FARP1: variants seen among roughly 807,000 people sequenced by gnomAD.
The protein encoded by FARP1 is FERM, ARHGEF and pleckstrin domain-containing protein 1.
Under a neutral mutation model 128.8 loss-of-function variants are expected in FARP1, and 52 were observed. The ratio of observed to expected loss-of-function variants is 0.40; its 90% CI spans 0.32 to 0.51. The LOEUF (loss-of-function observed/expected upper bound fraction) is 0.51, where lower values mean the gene tolerates loss of function less well. FARP1 is among the 20% of genes least tolerant of loss of function. The probability of loss-of-function intolerance (pLI) is 0.45; values close to 1 mark genes in which losing one functional copy is unlikely to be tolerated. For synonymous variants in FARP1, 580 were observed against 551.8 expected, an observed-to-expected ratio of 1.05 and a Z score of -0.72; for missense variants, 1,333 against 1,367.9, an observed-to-expected ratio of 0.97 and a Z score of 0.40.
chr13:98,439,125 TA>T lies in FARP1; in HGVS notation c.2363del (p.Tyr788SerfsTer6). 6.2e-7 allele frequency: 1 copy of T among 1,613,898 alleles called. No individual in the cohort carries two copies. Among genetic ancestry groups the T allele is most frequent in the Non-Finnish European group, 8.5e-7 (1 of 1,179,890 alleles). ...CCTCCAGTTCAACGACGTCCTGCTA[TA>T]CACGAGCCGGGGGCTGACGGCCTCC... ...MFFLFNDVLL[Y>X]TSRGLTASNQ... On this transcript the variant is annotated frameshift_variant, in exon 21 of 27. Coordinates refer to ENST00000319562, the MANE Select transcript of FARP1 (RefSeq NM_005766.4). LOFTEE classifies it high-confidence loss of function.
At chr13:98,345,271 G>T (rs527509197) in intron 3 of FARP1, among the ~76,000 whole-genome samples, 15 of 152,278 alleles carry the variant, frequency 9.9e-5, no homozygotes, top group African/African-American at 3.6e-4. Flanking sequence ...AGTCCTGCAG[G>T]AGCTGTTTGT....
intron 1 of FARP1, among the ~76,000 whole-genome samples, chr13:98,199,763 G>C (rs1374479946): frequency 2.0e-5 from 3 of 152,200 alleles, no homozygotes; most frequent in African/African-American, 7.2e-5. Context: ...GACCTTGTTA[G>C]TGTGGGAATT....
intron 6 of FARP1, among the ~76,000 whole-genome samples, chr13:98,383,054 T>G (rs928226830): frequency 5.9e-5 from 9 of 152,210 alleles, no homozygotes; most frequent in Non-Finnish European, 1.5e-5. Context: ...AAAATGTTGT[T>G]TCAAGACTAC....
At chr13:98,397,919 A>AAAAAAAAAG (rs61501785) in intron 13 of FARP1, 1 of 124,302 alleles carries the variant, frequency 8.0e-6, no homozygotes, top group Non-Finnish European at 1.7e-5. Context: ...AAAAAAAAAA[A>AAAAAAAAAG]GATAAATTGT....
chr13:98,200,978 T>A (rs559779119), intron 1 of FARP1, among the ~76,000 whole-genome samples: 1 of 152,352 alleles, frequency 6.6e-6, no homozygotes, highest in South Asian at 2.1e-4. Context: ...GTATACAATG[T>A]GTAATGATCA....
chr13:98,301,881 C>T (rs1395709269), intron 2 of FARP1, among the ~76,000 whole-genome samples: 1 of 152,146 alleles, frequency 6.6e-6, no homozygotes, highest in Non-Finnish European at 1.5e-5. Context: ...ATGGAGGATG[C>T]GTGCAACAGC....
chr13:98,321,245 G>A (rs773667293), intron 2 of FARP1, among the ~76,000 whole-genome samples: 8 of 37,978 alleles, frequency 2.1e-4, no homozygotes, highest in East Asian at 4.2e-4. Context: ...CCCTGTGACC[G>A]AAACTGAGGA....
intron 2 of FARP1, among the ~76,000 whole-genome samples, chr13:98,275,481 T>G (rs1884602460): frequency 6.6e-6 from 1 of 151,800 alleles, no homozygotes; most frequent in Non-Finnish European, 1.5e-5. Flanking sequence ...TTTTAAAATA[T>G]TTTATGAATT....
At chr13:98,412,084 T>A in intron 16 of FARP1, 50 bp downstream of exon 16, 1 of 1,590,680 alleles carries the variant, frequency 6.3e-7, no homozygotes, top group Non-Finnish European at 8.6e-7. Context: ...GTCTTGCTTG[T>A]GTTATTTTTA....
At chr13:98,369,837 G>A (rs887490856) in intron 5 of FARP1, among the ~76,000 whole-genome samples, 7 of 152,206 alleles carry the variant, frequency 4.6e-5, no homozygotes, top group East Asian at 3.9e-4. Context: ...GTTTAATACC[G>A]AGGCCATCAT....
chr13:98,228,261 G>A (rs1438450501), intron 2 of FARP1, among the ~76,000 whole-genome samples: 1 of 152,238 alleles, frequency 6.6e-6, no homozygotes, highest in Non-Finnish European at 1.5e-5. Context: ...TGGGGAGGCT[G>A]AGTCAGGAGA....
At chr13:98,211,130 G>T (rs1880679026) in intron 1 of FARP1, among the ~76,000 whole-genome samples, 1 of 152,156 alleles carries the variant, frequency 6.6e-6, no homozygotes, top group South Asian at 2.1e-4. Flanking sequence ...CCTGCTGCCT[G>T]CAGGGTAAAG....
At chr13:98,186,921 G>A (rs1878912360) in intron 1 of FARP1, among the ~76,000 whole-genome samples, 1 of 134,780 alleles carries the variant, frequency 7.4e-6, no homozygotes, top group Admixed American at 8.5e-5. Flanking sequence ...GAACCCAGGA[G>A]TTAGAGGTTG....
intron 24 of FARP1, chr13:98,445,205 T>C (rs1294134535): frequency 6.6e-6 from 1 of 152,308 alleles, no homozygotes; most frequent in Non-Finnish European, 1.5e-5. Context: ...GTATTTTTTA[T>C]TGTGGTAAAA....
intron 3 of FARP1, among the ~76,000 whole-genome samples, chr13:98,363,682 T>A (rs776332432): frequency 2.0e-5 from 3 of 152,232 alleles, no homozygotes; most frequent in Non-Finnish European, 4.4e-5. Flanking sequence ...TGCCTTGCCC[T>A]GCCATGGAAA....
intron 2 of FARP1, among the ~76,000 whole-genome samples, chr13:98,316,062 C>T (rs540342382): frequency 7.9e-5 from 12 of 152,218 alleles, no homozygotes; most frequent in Admixed American, 2.6e-4. Context: ...GAGACGGTTT[C>T]GGCTGGAGTA....
intron 2 of FARP1, chr13:98,333,537 G>T (rs1460489937): frequency 6.6e-6 from 1 of 151,982 alleles, no homozygotes; most frequent in South Asian, 2.1e-4. Context: ...TACTAATGAC[G>T]CCGTGGTTGT....
chr13:98,447,752 G>A (rs2139185626), intron 26 of FARP1: 1 of 159,190 alleles, frequency 6.3e-6, no homozygotes, highest in Admixed American at 6.2e-5. Context: ...GGAGGCCAAG[G>A]CTGGAGGATC....
In FARP1 at chr13:98,208,067, G is replaced by A. The variant is rs80022291; in HGVS notation, c.-23-5153G>A. On this transcript the variant is annotated intron_variant, in intron 1 of 26. Coordinates refer to ENST00000319562, the MANE Select transcript of FARP1 (RefSeq NM_005766.4). ...TAACCAGGCTGGTCTCATCTCTCAA[G>A]GCTAATGAGTGAATGAACCAAAGCA... Among the ~76,000 whole-genome samples, 107 of 152,078 alleles carry A rather than the reference G, an allele frequency of 7.0e-4. 1 individual carries two copies. The East Asian group carries it at 0.017, about 25-fold the overall frequency.
Sources: gnomAD v4.1 joint callset for allele counts (sites outside exome capture counted in the v4.1 genomes callset) on GRCh38, gnomAD v4.1.1 for gene constraint, MANE v1.5 for transcripts, NCBI Gene and HGNC (gene_info 2026-07-23, HGNC 2026-07-21) for gene names.